The following FOXJ3 variants were observed in gnomAD, a reference collection of about 807,000 sequenced individuals.
FOXJ3 encodes the protein forkhead box protein J3.
FOXJ3 carries 22 observed loss-of-function variants against 76.1 expected under a neutral mutation model. That is an observed-to-expected ratio of 0.29 (90% CI 0.21 to 0.41). The LOEUF (loss-of-function observed/expected upper bound fraction) is 0.41. Ranked by LOEUF, FOXJ3 falls within the 10% of genes least tolerant of loss-of-function variation. The pLI is 1.00. For missense variants in FOXJ3, 613 were observed against 762.1 expected (o/e 0.80, Z 2.30); for synonymous variants, 269 against 261.2 (o/e 1.03, Z -0.29).
At chr1:42,258,538 G>T (rs1650784263) in intron 4 of FOXJ3, among the ~76,000 whole-genome samples, 1 of 152,170 alleles carries the variant, frequency 6.6e-6, no homozygotes, top group South Asian at 2.1e-4. Context: ...TGAACATGTG[G>T]ATAACAACTA....
intron 1 of FOXJ3, chr1:42,323,543 G>T (rs980590638): frequency 5.5e-6 from 1 of 180,344 alleles, no homozygotes; most frequent in Non-Finnish European, 1.1e-5. Flanking sequence ...AATGCTCCAT[G>T]TCTAATCTTA....
intron 6 of FOXJ3, 40 bp downstream of exon 6, chr1:42,205,722 C>T (rs574930242): frequency 4.6e-6 from 5 of 1,090,110 alleles, no homozygotes; most frequent in African/African-American, 3.1e-5. Context: ...AAATGTACTA[C>T]TCAATGACAT....
chr1:42,215,967 C>T (rs1647055670), intron 5 of FOXJ3, among the ~76,000 whole-genome samples: 2 of 151,950 alleles, frequency 1.3e-5, no homozygotes, highest in Admixed American at 1.3e-4. Context: ...GCCTGGTCAA[C>T]ATAGTGAGAC....
intron 1 of FOXJ3, among the ~76,000 whole-genome samples, chr1:42,314,037 T>C (rs901626209): frequency 6.6e-6 from 1 of 152,236 alleles, no homozygotes; most frequent in Admixed American, 6.5e-5. Flanking sequence ...CTGGATAAAA[T>C]GGCACAGCCT....
intron 4 of FOXJ3, 93 bp downstream of exon 4, chr1:42,265,022 A>G (rs943427651): frequency 2.4e-6 from 2 of 833,374 alleles, no homozygotes; most frequent in Admixed American, 3.5e-5. Context: ...TATTTTGCAG[A>G]GGTTCCTATT....
At chr1:42,249,060 T>C (rs1649802600) in intron 4 of FOXJ3, among the ~76,000 whole-genome samples, 1 of 152,138 alleles carries the variant, frequency 6.6e-6, no homozygotes, top group Non-Finnish European at 1.5e-5. Context: ...GCTTCATCCA[T>C]GTCCCTGCAA....
intron 6 of FOXJ3, among the ~76,000 whole-genome samples, chr1:42,202,316 T>C (rs1454024231): frequency 6.6e-6 from 1 of 152,178 alleles, no homozygotes; most frequent in Non-Finnish European, 1.5e-5. Context: ...AAAATATAGA[T>C]AAAACTGCTT....
At chr1:42,246,689 G>C (rs1649579595) in intron 4 of FOXJ3, among the ~76,000 whole-genome samples, 1 of 150,512 alleles carries the variant, frequency 6.6e-6, no homozygotes, top group African/African-American at 2.4e-5. Context: ...TCCACTACTA[G>C]GTATTTACCC....
At chr1:42,228,530 C>T (rs1282000487) in intron 4 of FOXJ3, among the ~76,000 whole-genome samples, 1 of 142,432 alleles carries the variant, frequency 7.0e-6, no homozygotes, top group Non-Finnish European at 1.5e-5. Flanking sequence ...TATGGAGCAC[C>T]TACTGTGTTC....
chr1:42,278,247 T>C, intron 3 of FOXJ3, 101 bp downstream of exon 3: 1 of 902,974 alleles, frequency 1.1e-6, no homozygotes. Context: ...GAGATCAAAA[T>C]TTCATATTCA....
At chr1:42,263,395 T>C (rs539743870) in intron 4 of FOXJ3, among the ~76,000 whole-genome samples, 1 of 152,266 alleles carries the variant, frequency 6.6e-6, no homozygotes, top group African/African-American at 2.4e-5. Context: ...GTAAATAATC[T>C]CTGAAGTCTC....
At chr1:42,291,083 T>TAGATAGATAGATAGATAGACAGAC (rs1553167260) in intron 2 of FOXJ3, among the ~76,000 whole-genome samples, 1 of 126,388 alleles carries the variant, frequency 7.9e-6, no homozygotes, top group African/African-American at 2.9e-5. Flanking sequence ...GATAGATAGA[T>TAGATAGATAGATAGATAGACAGAC]AGACAGACAG....
intron 2 of FOXJ3, among the ~76,000 whole-genome samples, chr1:42,286,578 C>T (rs1653067514): frequency 6.6e-6 from 1 of 152,180 alleles, no homozygotes; most frequent in Non-Finnish European, 1.5e-5. Flanking sequence ...ATAGTAACTG[C>T]TCATATTGTT....
intron 4 of FOXJ3, among the ~76,000 whole-genome samples, chr1:42,263,110 T>C (rs1359193769): frequency 1.3e-5 from 2 of 152,146 alleles, no homozygotes; most frequent in Non-Finnish European, 2.9e-5. Context: ...AGAATCCTGA[T>C]TCAAAAAGAA....
chr1:42,243,810 T>C (rs1377960229), intron 4 of FOXJ3, among the ~76,000 whole-genome samples: 1 of 152,126 alleles, frequency 6.6e-6, no homozygotes, highest in Non-Finnish European at 1.5e-5. Context: ...AAACTGCACT[T>C]AGAACAAAAG....
intron 4 of FOXJ3, among the ~76,000 whole-genome samples, chr1:42,229,297 CT>C (rs1296372436): frequency 6.6e-6 from 1 of 152,188 alleles, no homozygotes; most frequent in Non-Finnish European, 1.5e-5. Context: ...TCTGTATCCC[CT>C]TCTAGGCTAT....
chr1:42,251,195 G>C (rs532173692), intron 4 of FOXJ3, among the ~76,000 whole-genome samples: 2 of 152,090 alleles, frequency 1.3e-5, no homozygotes, highest in Non-Finnish European at 2.9e-5. Flanking sequence ...AAAAGTGACA[G>C]GGGTTTGGGG....
rs369600155 is a variant in FOXJ3 at position 42,224,708 on chromosome 1, G to GT, written c.528+3174dup. ...AAGAAAAAATAATATTAGGATGGAG[G>GT]TAACTGTCAAGCTTTATCTTCCGTT... On this transcript the variant is annotated intron_variant, in intron 5 of 12. Transcript: ENST00000361346. Among the ~76,000 whole-genome samples the GT allele has an allele frequency of 3.3e-3, 497 of 151,866 alleles. 4 individuals carry two copies. The highest frequency in any genetic ancestry group is 0.011 in the African/African-American group (470 of 41,408).
At chr1:42,285,479 T>A (rs928203453) in intron 2 of FOXJ3, among the ~76,000 whole-genome samples, 1 of 151,842 alleles carries the variant, frequency 6.6e-6, no homozygotes, top group African/African-American at 2.4e-5. Context: ...AGTCTAGAAA[T>A]TAAAATTTTT....
Sources: gnomAD v4.1 joint callset for allele counts (sites outside exome capture counted in the v4.1 genomes callset) on GRCh38, gnomAD v4.1.1 for gene constraint, MANE v1.5 for transcripts, NCBI Gene and HGNC (gene_info 2026-07-23, HGNC 2026-07-21) for gene names.